The following CCM2 variants were observed in gnomAD, a reference collection of about 807,000 sequenced individuals.
CCM2 encodes the protein cerebral cavernous malformations 2 protein.
CCM2 carries 25 observed loss-of-function variants against 44.9 expected under a neutral mutation model. That is an observed-to-expected ratio of 0.56 (90% confidence interval 0.41 to 0.78). CCM2 has a LOEUF of 0.78. Among genes scored for constraint, CCM2 ranks in the 30% least tolerant of loss-of-function variants. CCM2 has a pLI of 0.00. For synonymous variants in CCM2, 219 were observed against 241.1 expected (o/e 0.91, Z 0.85); for missense variants, 481 against 580.6 (o/e 0.83, Z 1.76).
At chr7:45,070,686 T>A (rs997252652) in intron 6 of CCM2, 12 of 262,724 alleles carry the variant, frequency 4.6e-5, no homozygotes, top group Non-Finnish European at 7.0e-5. Flanking sequence ...TGGTGGCTCA[T>A]GCCTGTAATC....
chr7:45,064,720 C>A (rs1798690475), intron 4 of CCM2, 74 bp downstream of exon 4: 2 of 1,518,136 alleles, frequency 1.3e-6, no homozygotes, highest in Non-Finnish European at 1.8e-6. Flanking sequence ...GTTCTGGAGA[C>A]AGTTTTTGCA....
intron 1 of CCM2, among the ~76,000 whole-genome samples, chr7:45,014,256 C>T (rs1170183276): frequency 6.6e-6 from 1 of 152,124 alleles, no homozygotes; most frequent in Non-Finnish European, 1.5e-5. Flanking sequence ...TCTTCTGCCT[C>T]AGCCTCCCGA....
rs142647512 is a variant in CCM2 at position 45,075,837 on chromosome 7, T to C, written c.1115T>C (p.Ile372Thr). Residue 372 changes from isoleucine (I) to threonine (T), a missense_variant, in exon 10 of 10, where the codon ATT (isoleucine) becomes ACT (threonine). Ile to Thr is a moderately conservative substitution (Grantham distance 89). Coordinates refer to ENST00000258781, the MANE Select transcript of CCM2 (RefSeq NM_031443.4). ...CACTTCGAGAACTTCCTGGAGACCA[T>C]TGGCGTGAAGGATGGCCGCGGCATC... ...SQHFENFLETIGVKDGRGIIT... is the reference protein window; with the variant it reads ...SQHFENFLETTGVKDGRGIIT... 23 of 1,613,594 alleles carry C rather than the reference T, an allele frequency of 1.4e-5. No homozygotes were observed. Among genetic ancestry groups the C allele is most frequent in the African/African-American group, 2.7e-5 (2 of 74,908 alleles).
intron 1 of CCM2, among the ~76,000 whole-genome samples, chr7:45,013,333 C>T (rs539526653): frequency 7.3e-5 from 11 of 151,690 alleles, no homozygotes; most frequent in Admixed American, 5.9e-4. Flanking sequence ...TTTAAACAAT[C>T]GACTTTTCAC....
At chr7:45,050,014 G>A (rs887844580) in intron 2 of CCM2, among the ~76,000 whole-genome samples, 1 of 152,204 alleles carries the variant, frequency 6.6e-6, no homozygotes, top group East Asian at 1.9e-4. Context: ...ATTGGTCAAC[G>A]ACAGACCACA....
Position 45,073,558 on chromosome 7 carries a change from A to G in CCM2, c.902A>G (p.Asp301Gly). 1 of 1,610,186 alleles carries G rather than the reference A, an allele frequency of 6.2e-7. No individual in the cohort carries two copies. Among genetic ancestry groups the G allele is most frequent in the Non-Finnish European group, 8.5e-7 (1 of 1,178,214 alleles). The change falls in exon 8 of 10, where the codon GAC (aspartate) becomes GGC (glycine). Residue 301 changes from aspartate (D) to glycine (G), a missense_variant. Transcript: ENST00000258781. ...LSASATELLQ[D>G]YMLTLRTKLS... The stretch of plus-strand genomic sequence containing the variant: ...GCCAGCGCCACTGAGCTGCTGCAGG[A>G]CTACATGCTGACGGTAGGCCTCCGC...
chr7:45,003,536 C>T (rs1328320189), intron 1 of CCM2, among the ~76,000 whole-genome samples: 43 of 151,864 alleles, frequency 2.8e-4, no homozygotes, highest in Admixed American at 2.8e-3. Flanking sequence ...AGTTTGAGAC[C>T]AGCCTGGCCA....
At chr7:45,047,616 A>G (rs2128736813) in intron 2 of CCM2, among the ~76,000 whole-genome samples, 1 of 152,348 alleles carries the variant, frequency 6.6e-6, no homozygotes, top group South Asian at 2.1e-4. Flanking sequence ...AGCCGTTCCT[A>G]AAGGTTTCAC....
At chr7:45,033,985 G>C (rs1206783660) in intron 1 of CCM2, among the ~76,000 whole-genome samples, 3 of 152,192 alleles carry the variant, frequency 2.0e-5, no homozygotes, top group African/African-American at 7.2e-5. Context: ...AATCATAGGT[G>C]ACCATTTCTC....
chr7:45,041,817 T>C (rs1238425398), intron 2 of CCM2, among the ~76,000 whole-genome samples: 3 of 152,158 alleles, frequency 2.0e-5, no homozygotes, highest in Admixed American at 1.3e-4. Context: ...GGAGACCACA[T>C]TGGGTGGGGC....
chr7:45,009,901 A>G (rs949526653), intron 1 of CCM2, among the ~76,000 whole-genome samples: 6 of 151,874 alleles, frequency 4.0e-5, no homozygotes, highest in African/African-American at 1.5e-4. Context: ...TTATGTAACA[A>G]TGAAATACAC....
intron 2 of CCM2, among the ~76,000 whole-genome samples, chr7:45,049,607 A>G (rs1797909322): frequency 6.6e-6 from 1 of 152,264 alleles, no homozygotes; most frequent in African/African-American, 2.4e-5. Flanking sequence ...CCAGTGATTT[A>G]TTAATACATA....
chr7:45,064,048 A>G, intron 3 of CCM2, 47 bp downstream of exon 3: 1 of 1,349,700 alleles, frequency 7.4e-7, no homozygotes, highest in Non-Finnish European at 1.1e-6. Context: ...AGCCCCCACC[A>G]GCCCTTGGTC....
At chr7:45,024,971 T>C (rs1467979249) in intron 1 of CCM2, among the ~76,000 whole-genome samples, 1 of 152,226 alleles carries the variant, frequency 6.6e-6, no homozygotes, top group Non-Finnish European at 1.5e-5. Flanking sequence ...CCTGCTCTTA[T>C]TCTCCTCTTA....
intron 6 of CCM2, 96 bp downstream of exon 6, chr7:45,070,057 C>G: frequency 6.7e-7 from 1 of 1,481,994 alleles, no homozygotes; most frequent in African/African-American, 1.4e-5. Context: ...TGGAATAGCG[C>G]AGTTACTGCC....
chr7:45,009,428 G>A (rs1190702267), intron 1 of CCM2, among the ~76,000 whole-genome samples: 2 of 128,512 alleles, frequency 1.6e-5, no homozygotes, highest in Non-Finnish European at 3.2e-5. Flanking sequence ...TTTTTGAGAC[G>A]GAGTCTCACT....
rs370695543 is a variant in CCM2 at position 45,075,738 on chromosome 7, C to T, written c.1055-39C>T. On this transcript the variant is annotated intron_variant, in intron 9 of 9. Transcript: ENST00000258781. ...GAGAGAAGAGCTGAGTGGGCTGAGC[C>T]GAACTGGAGGTGCCATGCTGGGTGT... The T allele has an allele frequency of 2.8e-5, 45 of 1,612,910 alleles. 1 individual carries two copies. Among genetic ancestry groups the T allele is most frequent in the African/African-American group, 1.7e-4 (13 of 75,046 alleles).
rs1210639143 is a variant in CCM2, at chr7:45,074,678, C to T, written c.1054+270C>T. ...TCAAGCTGAGCTGGGTGGGCCCTGC[C>T]AGGAAGTAGCAGAGATCCCCCAGGA... On this transcript the variant is annotated intron_variant, in intron 9 of 9. Transcript: ENST00000258781. Among the ~76,000 whole-genome samples the T allele has an allele frequency of 2.0e-5, 3 of 152,228 alleles. No homozygotes were observed. The South Asian group carries it at 6.2e-4, about 32-fold the overall frequency.
At chr7:45,062,618 T>G (rs576537644) in intron 2 of CCM2, among the ~76,000 whole-genome samples, 1 of 152,134 alleles carries the variant, frequency 6.6e-6, no homozygotes, top group African/African-American at 2.4e-5. Flanking sequence ...GCAGATTGCT[T>G]AAGTCCAAGA....
Sources: allele counts gnomAD v4.1 joint callset (sites outside exome capture counted in the v4.1 genomes callset), GRCh38; gene constraint gnomAD v4.1.1; transcripts MANE v1.5; gene names NCBI Gene and HGNC (gene_info 2026-07-23, HGNC 2026-07-21).